Variants in LDLRAD4 observed in about 807,000 individuals in gnomAD.
The protein encoded by LDLRAD4 is low density lipoprotein receptor class A domain containing 4, also known as low-density lipoprotein receptor class A domain-containing protein 4.
A neutral mutation model predicts 17.0 loss-of-function variants in LDLRAD4; 5 were observed. That is an observed-to-expected ratio of 0.29 (90% CI 0.15 to 0.62). The LOEUF is 0.62. Ranked by LOEUF, LDLRAD4 falls within the 20% of genes least tolerant of loss-of-function variation. LDLRAD4 has a pLI of 0.84. For missense variants in LDLRAD4, 340 were observed against 424.7 expected (o/e 0.80, Z 1.75); for synonymous variants, 168 against 171.8 (o/e 0.98, Z 0.17).
chr18:13,635,356 T>C (rs1187559753), intron 4 of LDLRAD4, among the ~76,000 whole-genome samples: 2 of 152,166 alleles, frequency 1.3e-5, no homozygotes, highest in African/African-American at 4.8e-5. Flanking sequence ...TCCACCCTCA[T>C]TACCTAATTA....
At chr18:13,247,498 T>C (rs1000444738) in intron 1 of LDLRAD4, among the ~76,000 whole-genome samples, 2 of 152,208 alleles carry the variant, frequency 1.3e-5, no homozygotes, top group Non-Finnish European at 2.9e-5. Flanking sequence ...TTTTATTCTT[T>C]GTTCTTTAAA....
At chr18:13,314,029 T>C (rs904824255) in intron 1 of LDLRAD4, among the ~76,000 whole-genome samples, 1 of 152,220 alleles carries the variant, frequency 6.6e-6, no homozygotes, top group Non-Finnish European at 1.5e-5. Context: ...GCACATGCCT[T>C]ACTGATACTG....
intron 3 of LDLRAD4, chr18:13,465,253 A>C (rs2092575554): frequency 6.6e-6 from 1 of 152,224 alleles, no homozygotes; most frequent in African/African-American, 2.4e-5. Flanking sequence ...TGTTGAAGTC[A>C]GGTTACCAAA....
chr18:13,644,543 A>G (rs1420949835), intron 5 of LDLRAD4, among the ~76,000 whole-genome samples: 2 of 150,792 alleles, frequency 1.3e-5, no homozygotes, highest in Admixed American at 6.6e-5. Context: ...ACTCCAGCCT[A>G]GGTGACAGAG....
chr18:13,529,881 G>A (rs2094101740), intron 3 of LDLRAD4, among the ~76,000 whole-genome samples: 1 of 152,216 alleles, frequency 6.6e-6, no homozygotes, highest in African/African-American at 2.4e-5. Flanking sequence ...CGAGGTGGAA[G>A]AGGTTCCGTT....
intron 1 of LDLRAD4, among the ~76,000 whole-genome samples, chr18:13,263,108 A>G (rs1223599610): frequency 2.3e-5 from 2 of 85,602 alleles, no homozygotes; most frequent in African/African-American, 4.7e-5. Flanking sequence ...TTGCGTGGAA[A>G]CTGAGTCCTG....
At chr18:13,588,196 G>T (rs1478387603) in intron 3 of LDLRAD4, among the ~76,000 whole-genome samples, 1 of 152,248 alleles carries the variant, frequency 6.6e-6, no homozygotes, top group Non-Finnish European at 1.5e-5. Context: ...CTGAAAGCTG[G>T]TGACATGTAT....
At chr18:13,624,753 GC>G (rs1294088341) in intron 4 of LDLRAD4, among the ~76,000 whole-genome samples, 1 of 152,214 alleles carries the variant, frequency 6.6e-6, no homozygotes, top group Non-Finnish European at 1.5e-5. Flanking sequence ...CTTGGAAGGG[GC>G]TGGGAAGGCA....
At chr18:13,218,271 G>A (rs1389676170), upstream of LDLRAD4, among the ~76,000 whole-genome samples, 1 of 152,222 alleles carries the variant, frequency 6.6e-6, no homozygotes, top group Non-Finnish European at 1.5e-5. Flanking sequence ...GAGCGCGCGA[G>A]GTCTGTGAGG....
At position 13,219,372 on chromosome 18, in the gene LDLRAD4, A is replaced by G. The variant is rs117814561; in HGVS notation, c.-467+384A>G. Among the ~76,000 whole-genome samples, 782 of 152,320 alleles carry G rather than the reference A, an allele frequency of 5.1e-3. 1 individual carries two copies. The highest frequency in any genetic ancestry group is 8.5e-3 in the South Asian group (41 of 4,822). On this transcript the variant is annotated intron_variant, in intron 1 of 5. Transcript: ENST00000399848. Reference sequence around the variant, plus strand: ...CAAAATTTTTTAATTAGCTAGAATTAGATAATTTTGATTTGCTTCTTTTCT... The same window carrying G: ...CAAAATTTTTTAATTAGCTAGAATTGGATAATTTTGATTTGCTTCTTTTCT...
chr18:13,355,523 G>T (rs1051123131), intron 1 of LDLRAD4, among the ~76,000 whole-genome samples: 1 of 152,220 alleles, frequency 6.6e-6, no homozygotes, highest in African/African-American at 2.4e-5. Flanking sequence ...TTCCAGAAGG[G>T]CAAATGCCTA....
At chr18:13,357,692 G>A (rs189884853) in intron 1 of LDLRAD4, among the ~76,000 whole-genome samples, 1 of 152,220 alleles carries the variant, frequency 6.6e-6, no homozygotes, top group African/African-American at 2.4e-5. Flanking sequence ...TAGTTCATTG[G>A]GGGGTTAGAA....
chr18:13,549,785 C>A (rs2094411616), intron 3 of LDLRAD4, among the ~76,000 whole-genome samples: 1 of 152,084 alleles, frequency 6.6e-6, no homozygotes, highest in Non-Finnish European at 1.5e-5. Flanking sequence ...AAGCTTCTGG[C>A]ATTTGGTTGT....
intron 2 of LDLRAD4, among the ~76,000 whole-genome samples, chr18:13,403,065 CT>C (rs1451786813): frequency 6.6e-6 from 1 of 152,168 alleles, no homozygotes; most frequent in Non-Finnish European, 1.5e-5. Flanking sequence ...TGGAGAAAGG[CT>C]TACGATACAT....
intron 3 of LDLRAD4, among the ~76,000 whole-genome samples, chr18:13,599,766 C>G (rs1568389210): frequency 6.6e-6 from 1 of 152,166 alleles, no homozygotes; most frequent in Non-Finnish European, 1.5e-5. Flanking sequence ...GCTGGGATTA[C>G]AGGCATGAGC....
intron 1 of LDLRAD4, among the ~76,000 whole-genome samples, chr18:13,223,947 A>G (rs2041608808): frequency 6.6e-6 from 1 of 152,208 alleles, no homozygotes; most frequent in Admixed American, 6.5e-5. Flanking sequence ...GACCTGGGTC[A>G]GGGATTCTTC....
At chr18:13,612,332 G>A (rs905194476) in intron 3 of LDLRAD4, 1 of 1,098,474 alleles carries the variant, frequency 9.1e-7, no homozygotes, top group Non-Finnish European at 1.1e-6. Context: ...TAGTGCCCTG[G>A]GTGTACAGCT....
intron 1 of LDLRAD4, among the ~76,000 whole-genome samples, chr18:13,304,041 T>C (rs1055400554): frequency 3.9e-5 from 6 of 152,120 alleles, no homozygotes; most frequent in African/African-American, 1.4e-4. Context: ...TTGAGTAGAG[T>C]CCTGCACCGC....
chr18:13,331,837 A>C (rs1244631086), intron 1 of LDLRAD4, among the ~76,000 whole-genome samples: 1 of 152,226 alleles, frequency 6.6e-6, no homozygotes, highest in African/African-American at 2.4e-5. Flanking sequence ...TTTCTAGAGA[A>C]GTATAAGTAT....
Sources: allele counts gnomAD v4.1 joint callset (sites outside exome capture counted in the v4.1 genomes callset), GRCh38; gene constraint gnomAD v4.1.1; transcripts MANE v1.5; gene names NCBI Gene and HGNC (gene_info 2026-07-23, HGNC 2026-07-21).